Variants in AFAP1L1 observed in about 807,000 individuals in gnomAD.
AFAP1L1 encodes the protein actin filament-associated protein 1-like 1.
A neutral mutation model predicts 99.8 loss-of-function variants in AFAP1L1; 77 were observed. The ratio of observed to expected loss-of-function variants is 0.77; its 90% confidence interval spans 0.64 to 0.93. AFAP1L1 has a LOEUF of 0.93. Ranked by LOEUF, AFAP1L1 falls within the 40% of genes least tolerant of loss-of-function variation. The pLI, the probability that AFAP1L1 is intolerant of heterozygous loss-of-function variation, is 0.00. For missense variants in AFAP1L1, 893 were observed against 996.8 expected (o/e 0.90, Z 1.40); for synonymous variants, 373 against 395.3 (o/e 0.94, Z 0.67).
intron 16 of AFAP1L1, among the ~76,000 whole-genome samples, chr5:149,331,520 T>C (rs950200799): frequency 1.3e-5 from 2 of 151,170 alleles, no homozygotes; most frequent in African/African-American, 4.9e-5. Flanking sequence ...CTCAGGAGGC[T>C]GAGGCAGGAG....
chr5:149,329,964 T>TCCA, intron 16 of AFAP1L1, 134 bp downstream of exon 16: 1 of 625,182 alleles, frequency 1.6e-6, no homozygotes, highest in Non-Finnish European at 2.6e-6. Flanking sequence ...CTCCTCCTTC[T>TCCA]CCTCCTCCTC....
chr5:149,294,894 G>C (rs1391356177), intron 1 of AFAP1L1, among the ~76,000 whole-genome samples: 2 of 152,202 alleles, frequency 1.3e-5, no homozygotes, highest in Non-Finnish European at 2.9e-5. Context: ...ATTCAGATGT[G>C]GGGTCAGACA....
At position 149,320,007 on chromosome 5, in the gene AFAP1L1, T is replaced by C. The variant is rs1404623087; in HGVS notation, c.1625+280T>C. Among the ~76,000 whole-genome samples the C allele has an allele frequency of 6.6e-6, 1 of 152,244 alleles. No individual in the cohort carries two copies. Among genetic ancestry groups the C allele is most frequent in the Non-Finnish European group, 1.5e-5 (1 of 68,040 alleles). Reference sequence around the variant, plus strand: ...GCTCTGCCCTCATGTCATGGGACTTTAAGCTTTCACACACTGGAGCATGGG... The same window carrying C: ...GCTCTGCCCTCATGTCATGGGACTTCAAGCTTTCACACACTGGAGCATGGG... On this transcript the variant is annotated intron_variant, in intron 13 of 18. Transcript: ENST00000296721. This position sits in a 1 kb window ranked among gnomAD's most constrained non-coding sequence, Gnocchi z 4.0.
chr5:149,312,254 A>T (rs1756656596), intron 9 of AFAP1L1, 50 bp downstream of exon 9: 5 of 1,568,298 alleles, frequency 3.2e-6, no homozygotes, highest in Non-Finnish European at 4.4e-6. Context: ...TGGCCACTCA[A>T]CACGGGCTCA....
At position 149,340,114 on chromosome 5, in the gene AFAP1L1, GAGA is replaced by G; in HGVS notation, c.*88_*90del. 2 of 1,543,356 alleles carry G rather than the reference GAGA, an allele frequency of 1.3e-6. No individual in the cohort carries two copies. Among genetic ancestry groups the G allele is most frequent in the Non-Finnish European group, 1.8e-6 (2 of 1,121,614 alleles). ...TGCTTTTTTCACAAGGAGACACCAA[GAGA>G]AGACTAGGAAGTAGCCCTCGTTCTC... On this transcript the variant is annotated 3_prime_UTR_variant, in exon 19 of 19. Coordinates refer to ENST00000296721, the MANE Select transcript of AFAP1L1 (RefSeq NM_152406.4).
chr5:149,279,977 G>A (rs1239782311), intron 1 of AFAP1L1, among the ~76,000 whole-genome samples: 3 of 152,202 alleles, frequency 2.0e-5, no homozygotes, highest in Admixed American at 1.3e-4. Context: ...TGTTGGGGCA[G>A]GGCTCTCCTC....
At chr5:149,308,329 A>G (rs941795686) in intron 7 of AFAP1L1, among the ~76,000 whole-genome samples, 1 of 152,256 alleles carries the variant, frequency 6.6e-6, no homozygotes, top group Non-Finnish European at 1.5e-5. Flanking sequence ...CCAAACATCA[A>G]TAATTTCCTT....
rs909796940 is a variant in AFAP1L1, at chr5:149,271,928, C to T, written c.-41C>T. The T allele has an allele frequency of 1.6e-6, 2 of 1,222,748 alleles. No individual in the cohort carries two copies. Among genetic ancestry groups the T allele is most frequent in the African/African-American group, 3.1e-5 (2 of 63,814 alleles). 75.7% of individuals were successfully genotyped at this position (1,222,748 alleles called of 1,614,324 possible). ...GCCGCTACCAGCCGCGCCGGAGCCC[C>T]TGCGCCCTGCGGCCCGCTCCCCGGG... On this transcript the variant is annotated 5_prime_UTR_variant, in exon 1 of 19. Transcript: ENST00000296721.
chr5:149,290,138 C>CA (rs1755807033), intron 1 of AFAP1L1, among the ~76,000 whole-genome samples: 1 of 152,200 alleles, frequency 6.6e-6, no homozygotes, highest in Non-Finnish European at 1.5e-5. Context: ...GAGGCTGAGG[C>CA]AGGAGAATTG....
In AFAP1L1 at chr5:149,340,906, T is replaced by C. The variant is rs942161636; in HGVS notation, c.*876T>C. ...TCTTTATTCTAATGAAGTCCTCATC[T>C]TGCACTCAGAGGCCCACTAGTTTGC... On this transcript the variant is annotated 3_prime_UTR_variant, in exon 19 of 19. Transcript: ENST00000296721. 6.6e-6 allele frequency: 1 copy of C among 152,216 alleles called. No individual in the cohort carries two copies. Among genetic ancestry groups the C allele is most frequent in the African/African-American group, 2.4e-5 (1 of 41,458 alleles). The allele number at this position is 152,216 out of a possible 1,614,324, so 9.4% of individuals were successfully genotyped here.
chr5:149,291,669 A>G (rs1755866664), intron 1 of AFAP1L1, among the ~76,000 whole-genome samples: 1 of 151,726 alleles, frequency 6.6e-6, no homozygotes, highest in South Asian at 2.1e-4. Flanking sequence ...TTTTCTTTCC[A>G]GGGCGACTTG....
Position 149,339,203 on chromosome 5 carries a change from C to A in AFAP1L1, c.2284-804C>A, listed in dbSNP as rs548420363. ...CTTTTTTTTTTTTTTTTTTTTGAGACGGAGTCTCGCTCTGTCACCCAGGCT... is the reference window on the plus strand; with the variant it reads ...CTTTTTTTTTTTTTTTTTTTTGAGAAGGAGTCTCGCTCTGTCACCCAGGCT... On this transcript the variant is annotated intron_variant, in intron 18 of 18. Transcript: ENST00000296721. 6.1e-3 allele frequency among the ~76,000 whole-genome samples: 724 copies of A among 118,188 alleles called. 10 individuals carry two copies. The highest frequency in any genetic ancestry group is 0.023 in the African/African-American group (686 of 29,238). The allele number at this position is 118,188 out of a possible 152,430, so 77.5% of individuals were successfully genotyped here.
Position 149,329,792 on chromosome 5 carries a change from A to T in AFAP1L1, c.1937A>T (p.Glu646Val), listed in dbSNP as rs1757202225. Residue 646 changes from glutamate to valine, a missense_variant, in exon 16 of 19, where the codon GAG becomes GTG. Glu to Val is a moderately radical substitution (Grantham distance 121). Transcript: ENST00000296721. The stretch of plus-strand genomic sequence containing the variant: ...ACAGAGCTGATAGCACTGAGACAGG[A>T]GAAGAGGGAACTGAAGGAAGCCATT... ...IRTELIALRQ[E>V]KRELKEAIRS... 6.2e-7 allele frequency: 1 copy of T among 1,613,324 alleles called. No individual in the cohort carries two copies. Among genetic ancestry groups the T allele is most frequent in the Non-Finnish European group, 8.5e-7 (1 of 1,179,726 alleles).
rs575334807 is a variant in AFAP1L1, at chr5:149,312,137, T to G, written c.953T>G (p.Val318Gly). 1.9e-6 allele frequency: 3 copies of G among 1,613,972 alleles called. No individual in the cohort carries two copies. Among genetic ancestry groups the G allele is most frequent in the East Asian group, 2.2e-5 (1 of 44,874 alleles). ...LKVIREVSKP[V>G]GGAEGVEVPR... is the part of the protein sequence containing the mutation. ...GTCATCCGAGAAGTGAGCAAGCCAG[T>G]TGGGGGAGCTGAGGGAGTGGAGGTC... The change falls in exon 9 of 19, where the codon GTT (valine) becomes GGT (glycine). Residue 318 changes from valine to glycine, a missense_variant. By Grantham distance (109) the Val-to-Gly change is moderately radical. Transcript: ENST00000296721.
chr5:149,335,473 G>A, intron 17 of AFAP1L1, 121 bp from the exon 18 acceptor site: 2 of 1,336,024 alleles, frequency 1.5e-6, no homozygotes, highest in Non-Finnish European at 2.0e-6. Flanking sequence ...GGGTGACAGA[G>A]ACTCTGTCTC....
intron 17 of AFAP1L1, among the ~76,000 whole-genome samples, chr5:149,335,027 C>G (rs932037551): frequency 1.3e-5 from 2 of 152,202 alleles, no homozygotes; most frequent in Non-Finnish European, 2.9e-5. Flanking sequence ...AATAATAGTA[C>G]CTACTTCATA....
At chr5:149,293,255 T>G (rs59516832) in intron 1 of AFAP1L1, among the ~76,000 whole-genome samples, 3,831 of 152,266 alleles carry the variant, frequency 0.025, 171 homozygotes, top group African/African-American at 0.088. Flanking sequence ...CCCCACTGTT[T>G]GCAGATGAAG....
At chr5:149,335,314 C>A (rs1270344021) in intron 17 of AFAP1L1, among the ~76,000 whole-genome samples, 1 of 152,028 alleles carries the variant, frequency 6.6e-6, no homozygotes, top group East Asian at 1.9e-4. Context: ...TTAGTGAAAC[C>A]CCATCTCTAC....
intron 5 of AFAP1L1, among the ~76,000 whole-genome samples, chr5:149,305,917 C>G (rs1283977715): frequency 1.6e-4 from 22 of 137,208 alleles, no homozygotes. Context: ...CACACACACA[C>G]ACACCATGCA....
Sources: gnomAD v4.1 joint callset for allele counts (sites outside exome capture counted in the v4.1 genomes callset) on GRCh38, gnomAD v4.1.1 for gene constraint, Gnocchi (gnomAD v3.1) non-coding constraint, MANE v1.5 for transcripts, NCBI Gene and HGNC (gene_info 2026-07-23, HGNC 2026-07-21) for gene names.